Variants in SETBP1 observed in about 807,000 individuals in gnomAD.
SETBP1 encodes the protein SET-binding protein.
Under a neutral mutation model 101.0 loss-of-function variants are expected in SETBP1, and 9 were observed. The ratio of observed to expected loss-of-function variants is 0.09; its 90% confidence interval spans 0.05 to 0.16. The LOEUF (loss-of-function observed/expected upper bound fraction) is 0.16. Among genes scored for constraint, SETBP1 ranks in the 10% least tolerant of loss-of-function variants. The pLI is 1.00. For missense variants in SETBP1, 1,858 were observed against 2,033.8 expected (o/e 0.91, Z 1.66); for synonymous variants, 818 against 788.5 (o/e 1.04, Z -0.63).
At chr18:45,004,492 G>C (rs2072684209) in intron 4 of SETBP1, among the ~76,000 whole-genome samples, 1 of 152,194 alleles carries the variant, frequency 6.6e-6, no homozygotes, top group Non-Finnish European at 1.5e-5. Context: ...AAGAATATCA[G>C]AGTAGAAGAG....
At chr18:44,860,336 C>G (rs2144632594) in intron 2 of SETBP1, among the ~76,000 whole-genome samples, 1 of 152,336 alleles carries the variant, frequency 6.6e-6, no homozygotes, top group African/African-American at 2.4e-5. Context: ...GGACCTACAA[C>G]CCAGATTGTG....
At chr18:44,920,742 C>G (rs1463473806) in intron 3 of SETBP1, among the ~76,000 whole-genome samples, 1 of 152,208 alleles carries the variant, frequency 6.6e-6, no homozygotes, top group Admixed American at 6.5e-5. Flanking sequence ...TCAAGAACAA[C>G]AGCTACTTAC....
intron 2 of SETBP1, among the ~76,000 whole-genome samples, chr18:44,715,252 C>A (rs1004711016): frequency 5.3e-5 from 8 of 152,204 alleles, no homozygotes; most frequent in African/African-American, 1.9e-4. Context: ...AGACCCACAG[C>A]GCCTTTCTTG....
chr18:44,897,541 G>A (rs1048242823), intron 3 of SETBP1, among the ~76,000 whole-genome samples: 3 of 152,116 alleles, frequency 2.0e-5, no homozygotes, highest in African/African-American at 4.8e-5. Context: ...TGAGTTCCTC[G>A]AATCAAGCAG....
intron 2 of SETBP1, among the ~76,000 whole-genome samples, chr18:44,750,043 G>A (rs776347728): frequency 6.6e-6 from 1 of 152,190 alleles, no homozygotes; most frequent in Non-Finnish European, 1.5e-5. Context: ...CAAGTGGGAA[G>A]GCAAGAGGGA....
chr18:44,949,836 TTC>T (rs764614138), intron 3 of SETBP1, 43 bp from the exon 4 acceptor site: 30 of 1,451,740 alleles, frequency 2.1e-5, no homozygotes, highest in South Asian at 3.4e-5. Context: ...TCATCTTTGT[TTC>T]TCTCTCTCTG....
chr18:44,723,867 G>A (rs2069654781), intron 2 of SETBP1, among the ~76,000 whole-genome samples: 1 of 152,114 alleles, frequency 6.6e-6, no homozygotes, highest in Non-Finnish European at 1.5e-5. Flanking sequence ...AATGGTCGCA[G>A]CCAAGACAAA....
At chr18:44,994,844 T>A (rs2072456200) in intron 4 of SETBP1, among the ~76,000 whole-genome samples, 1 of 152,160 alleles carries the variant, frequency 6.6e-6, no homozygotes, top group Non-Finnish European at 1.5e-5. Flanking sequence ...ATATGTATGA[T>A]AAAACTGCAA....
chr18:44,686,081 G>C (rs1052534699), intron 1 of SETBP1, among the ~76,000 whole-genome samples: 1 of 152,202 alleles, frequency 6.6e-6, no homozygotes, highest in Admixed American at 6.5e-5. Context: ...TGGCATTCAG[G>C]ACAGAATTTC....
At chr18:45,033,593 A>C (rs139768704) in intron 4 of SETBP1, among the ~76,000 whole-genome samples, 121 of 152,366 alleles carry the variant, frequency 7.9e-4, no homozygotes, top group Non-Finnish European at 1.3e-3. Flanking sequence ...AGCCTCTTCC[A>C]CCATGCCAGC....
rs1188047006 is a variant in SETBP1 at position 44,989,889 on chromosome 18, AAAAAAAAAAAAAAAAAAAT to A, written c.4000+36550_4000+36568del. The stretch of plus-strand genomic sequence containing the variant: ...GTCTCAAAAAAAAAAAAAAAAAAAA[AAAAAAAAAAAAAAAAAAAT>A]TTATCTAAGTGGACACACTGTAATC... On this transcript the variant is annotated intron_variant, in intron 4 of 5. Coordinates refer to ENST00000649279, the MANE Select transcript of SETBP1 (RefSeq NM_015559.3). Among the ~76,000 whole-genome samples, 1,097 of 127,444 alleles carry A rather than the reference AAAAAAAAAAAAAAAAAAAT, an allele frequency of 8.6e-3. 54 individuals carry two copies. Among genetic ancestry groups the A allele is most frequent in the African/African-American group, 0.042 (1,035 of 24,742 alleles). The allele number at this position is 127,444 out of a possible 152,430, so 83.6% of individuals were successfully genotyped here.
intron 4 of SETBP1, among the ~76,000 whole-genome samples, chr18:45,018,250 T>G (rs2072990285): frequency 6.6e-6 from 1 of 152,222 alleles, no homozygotes; most frequent in African/African-American, 2.4e-5. Flanking sequence ...CCTCAAATCA[T>G]AAAAATTGAA....
At chr18:44,800,478 G>T (rs1057143830) in intron 2 of SETBP1, among the ~76,000 whole-genome samples, 7 of 152,162 alleles carry the variant, frequency 4.6e-5, no homozygotes, top group African/African-American at 1.7e-4. Flanking sequence ...CAATCAAAAT[G>T]TAAATAAACA....
intron 3 of SETBP1, among the ~76,000 whole-genome samples, chr18:44,932,011 GT>G (rs1353412824): frequency 6.6e-6 from 1 of 152,182 alleles, no homozygotes; most frequent in Non-Finnish European, 1.5e-5. Context: ...TTGCTTGTTA[GT>G]TGATGCAGTT....
chr18:45,016,417 C>T (rs761455644), intron 4 of SETBP1, among the ~76,000 whole-genome samples: 4 of 151,904 alleles, frequency 2.6e-5, no homozygotes, highest in African/African-American at 9.7e-5. Context: ...GAGTGTGGAC[C>T]CCTTCAGCCC....
At chr18:44,817,370 C>T (rs1329233292) in intron 2 of SETBP1, among the ~76,000 whole-genome samples, 5 of 152,156 alleles carry the variant, frequency 3.3e-5, no homozygotes, top group South Asian at 2.1e-4. Context: ...ACCACCTCCA[C>T]GCAGAACACA....
chr18:44,690,036 T>C (rs890104785), intron 1 of SETBP1, among the ~76,000 whole-genome samples: 1 of 152,192 alleles, frequency 6.6e-6, no homozygotes, highest in African/African-American at 2.4e-5. Flanking sequence ...TGCTAGGTCC[T>C]GTCCGCTACC....
At chr18:44,740,926 C>A (rs1363918665) in intron 2 of SETBP1, among the ~76,000 whole-genome samples, 1 of 152,168 alleles carries the variant, frequency 6.6e-6, no homozygotes, top group Non-Finnish European at 1.5e-5. Flanking sequence ...GAATGTACAT[C>A]TTGATTTCTC....
intron 2 of SETBP1, among the ~76,000 whole-genome samples, chr18:44,838,135 C>A (rs895586884): frequency 2.0e-5 from 3 of 152,190 alleles, no homozygotes; most frequent in Non-Finnish European, 2.9e-5. Context: ...CTGGCTCTGT[C>A]CTTTTGCTTC....
Sources: gnomAD v4.1 joint callset for allele counts (sites outside exome capture counted in the v4.1 genomes callset) on GRCh38, gnomAD v4.1.1 for gene constraint, MANE v1.5 for transcripts, NCBI Gene and HGNC (gene_info 2026-07-23, HGNC 2026-07-21) for gene names.